PRTG: variants seen among roughly 807,000 people sequenced by gnomAD.
The protein encoded by PRTG is immunoglobulin superfamily, DCC subclass, member 5.
PRTG carries 67 observed loss-of-function variants against 122.5 expected under a neutral mutation model. The ratio of observed to expected loss-of-function variants is 0.55; its 90% CI spans 0.45 to 0.67. PRTG has a LOEUF of 0.67. Ranked by LOEUF, PRTG falls within the 30% of genes least tolerant of loss-of-function variation. The pLI is 0.00. For missense variants in PRTG, 1,435 were observed against 1,415.4 expected, an observed-to-expected ratio of 1.01 and a Z score of -0.22; for synonymous variants, 554 against 501.1, an observed-to-expected ratio of 1.11 and a Z score of -1.41.
rs368146161 is a variant in PRTG at position 55,620,019 on chromosome 15, T to A, written c.3446A>T (p.Asn1149Ile). The change falls in exon 20 of 20, where the codon AAC (asparagine) becomes ATC (isoleucine). Residue 1149 changes from asparagine (N) to isoleucine (I), a missense_variant. Coordinates refer to ENST00000389286, the MANE Select transcript of PRTG (RefSeq NM_173814.6). ...LSSVISTTPP[N>I]L ...TCACTGCCAGTGAAAGAATCAGAGG[T>A]TGGGGGGTGTGGTACTTATAACTGA... The A allele has an allele frequency of 6.2e-7, 1 of 1,613,688 alleles. No homozygotes were observed. Among genetic ancestry groups the A allele is most frequent in the Non-Finnish European group, 8.5e-7 (1 of 1,179,928 alleles).
At chr15:55,667,428 CA>C (rs2059445056) in intron 11 of PRTG, among the ~76,000 whole-genome samples, 1 of 151,708 alleles carries the variant, frequency 6.6e-6, no homozygotes, top group African/African-American at 2.4e-5. Flanking sequence ...CTAAATTTTT[CA>C]AATATTAAGT....
intron 11 of PRTG, among the ~76,000 whole-genome samples, chr15:55,651,333 G>T (rs2059352146): frequency 6.6e-6 from 1 of 152,000 alleles, no homozygotes; most frequent in Non-Finnish European, 1.5e-5. Context: ...AGAATAATCA[G>T]ATATATAAAC....
chr15:55,687,882 C>G (rs967281221), intron 2 of PRTG, among the ~76,000 whole-genome samples: 11 of 152,192 alleles, frequency 7.2e-5, no homozygotes, highest in Non-Finnish European at 1.5e-4. Flanking sequence ...AAAGAGGCAA[C>G]CATGAATCAA....
intron 2 of PRTG, among the ~76,000 whole-genome samples, chr15:55,729,221 A>C (rs1022023693): frequency 6.6e-6 from 1 of 152,238 alleles, no homozygotes; most frequent in Non-Finnish European, 1.5e-5. Flanking sequence ...ACACGCCACA[A>C]CGTGGATAAA....
chr15:55,680,355 C>G, intron 5 of PRTG, 136 bp downstream of exon 5: 1 of 1,171,880 alleles, frequency 8.5e-7, no homozygotes. Context: ...TCTCTACTCA[C>G]TGAAATGCCA....
intron 2 of PRTG, among the ~76,000 whole-genome samples, chr15:55,721,065 G>A (rs28626962): frequency 0.1 from 15,165 of 152,064 alleles, 916 homozygotes; most frequent in Middle Eastern, 0.18. Flanking sequence ...TTCAGTTGGT[G>A]GCACCACCAT....
intron 8 of PRTG, among the ~76,000 whole-genome samples, chr15:55,676,812 G>T (rs2059505361): frequency 6.6e-6 from 1 of 152,062 alleles, no homozygotes; most frequent in Non-Finnish European, 1.5e-5. Flanking sequence ...ACTAAAAAGG[G>T]AATTAACATA....
chr15:55,726,014 G>A (rs2031018392), intron 2 of PRTG, among the ~76,000 whole-genome samples: 1 of 152,120 alleles, frequency 6.6e-6, no homozygotes, highest in Admixed American at 6.5e-5. Context: ...CGTGATCTCG[G>A]CTCACTGCAA....
rs540019246 is a variant in PRTG at position 55,730,757 on chromosome 15, G to A, written c.397+9625C>T. 3.3e-5 allele frequency among the ~76,000 whole-genome samples: 5 copies of A among 152,240 alleles called. No homozygotes were observed. In the East Asian group the frequency reaches 9.7e-4, roughly 30 times the overall value. On this transcript the variant is annotated intron_variant, in intron 2 of 19. Transcript: ENST00000389286. ...GGAGCTTGCAGTGAGCCGAGATGGC[G>A]CCACTGCACTCCAACCTGGGCAACA...
At chr15:55,686,317 C>T (rs914158629) in intron 2 of PRTG, among the ~76,000 whole-genome samples, 3 of 152,026 alleles carry the variant, frequency 2.0e-5, no homozygotes, top group Non-Finnish European at 2.9e-5. Context: ...TAATCCAGTC[C>T]ATATTCAATT....
Position 55,693,360 on chromosome 15 carries a change from GCA to G in PRTG, c.398-9431_398-9430del, listed in dbSNP as rs1464966851. Reference sequence around the variant, plus strand: ...AATCCCAGCTACTTGGGAGGGTGAGGCAGGAGAATTGCTTGAACCCAGAAGGC... The same window carrying G: ...AATCCCAGCTACTTGGGAGGGTGAGGGGAGAATTGCTTGAACCCAGAAGGC... On this transcript the variant is annotated intron_variant, in intron 2 of 19. Transcript: ENST00000389286. Among the ~76,000 whole-genome samples, 819 of 152,228 alleles carry G rather than the reference GCA, an allele frequency of 5.4e-3. 7 individuals are homozygous for G. The highest frequency in any genetic ancestry group is 0.019 in the African/African-American group (791 of 41,564).
At chr15:55,647,416 T>A (rs1235682311) in intron 11 of PRTG, among the ~76,000 whole-genome samples, 1 of 152,134 alleles carries the variant, frequency 6.6e-6, no homozygotes, top group Non-Finnish European at 1.5e-5. Context: ...AGACGCAAAT[T>A]TTACTTTAAA....
chr15:55,624,003 A>G (rs2059180574), intron 18 of PRTG, among the ~76,000 whole-genome samples: 1 of 152,222 alleles, frequency 6.6e-6, no homozygotes, highest in Non-Finnish European at 1.5e-5. Context: ...AGGTCAGTCC[A>G]AATTATAGTA....
At position 55,679,274 on chromosome 15, in the gene PRTG, T is replaced by G. The variant is rs1197669897; in HGVS notation, c.1133+12A>C. On this transcript the variant is annotated intron_variant, in intron 7 of 19. Transcript: ENST00000389286. ...ATCATATATAAAATGGTAGCAAAGT[T>G]ACACAGCCTACCTGTTGTACATTTT... is the stretch of plus-strand genomic sequence containing the variant. The G allele has an allele frequency of 1.5e-5, 24 of 1,592,802 alleles. No homozygotes were observed. In the Admixed American group the frequency reaches 4.0e-4, roughly 27 times the overall value.
chr15:55,703,921 A>G (rs2141844086), intron 2 of PRTG, among the ~76,000 whole-genome samples: 1 of 152,348 alleles, frequency 6.6e-6, no homozygotes, highest in South Asian at 2.1e-4. Flanking sequence ...GTGTGTGGTC[A>G]CAGAAGTGTA....
intron 11 of PRTG, among the ~76,000 whole-genome samples, chr15:55,668,567 T>G (rs775857189): frequency 9.2e-5 from 14 of 152,092 alleles, no homozygotes; most frequent in South Asian, 2.1e-4. Flanking sequence ...GGGGAAAAAA[T>G]CTAAGTGAAA....
intron 2 of PRTG, among the ~76,000 whole-genome samples, chr15:55,726,264 A>G (rs1355963964): frequency 6.6e-6 from 1 of 151,944 alleles, no homozygotes; most frequent in Non-Finnish European, 1.5e-5. Context: ...TTTCATAGAG[A>G]TGGGGTTTCA....
At chr15:55,703,665 A>G (rs867931953) in intron 2 of PRTG, among the ~76,000 whole-genome samples, 2 of 152,250 alleles carry the variant, frequency 1.3e-5, no homozygotes, top group African/African-American at 4.8e-5. Context: ...TACCACCAAC[A>G]TTCTTTGTCT....
At chr15:55,663,025 C>T (rs1434540629) in intron 11 of PRTG, among the ~76,000 whole-genome samples, 2 of 152,202 alleles carry the variant, frequency 1.3e-5, no homozygotes, top group African/African-American at 4.8e-5. Context: ...CTCCTACTTC[C>T]CCAATCCTGG....
Sources: allele counts gnomAD v4.1 joint callset (sites outside exome capture counted in the v4.1 genomes callset), GRCh38; gene constraint gnomAD v4.1.1; transcripts MANE v1.5; gene names NCBI Gene and HGNC (gene_info 2026-07-23, HGNC 2026-07-21).